CFHR1: variants seen among roughly 807,000 people sequenced by gnomAD.
CFHR1 encodes the protein complement factor H-related protein 1.
CFHR1 carries 22 observed loss-of-function variants against 30.4 expected under a neutral mutation model. The ratio of observed to expected loss-of-function variants is 0.72; its 90% CI spans 0.52 to 1.03. CFHR1 has a LOEUF of 1.03. Among genes scored for constraint, CFHR1 ranks in the 50% least tolerant of loss-of-function variants. The probability of loss-of-function intolerance (pLI) is 0.00; values close to 1 mark genes in which losing one functional copy is unlikely to be tolerated. For synonymous variants in CFHR1, 95 were observed against 129.1 expected, an observed-to-expected ratio of 0.74 and a Z score of 1.79; for missense variants, 248 against 380.6, an observed-to-expected ratio of 0.65 and a Z score of 2.90.
chr1:196,825,624 G>A lies in CFHR1; in HGVS notation c.206G>A (p.Arg69His), dbSNP rs537358906. The A allele has an allele frequency of 1.9e-5, 29 of 1,524,344 alleles. 6 individuals are homozygous for A. Among genetic ancestry groups the A allele is most frequent in the African/African-American group, 3.4e-5 (2 of 58,260 alleles). 94.4% of individuals were successfully genotyped at this position (1,524,344 alleles called of 1,614,324 possible). Residue 69 changes from arginine (R) to histidine (H), a missense_variant, in exon 2 of 6, where the codon CGC becomes CAC. This residue lies in a region of CFHR1 where 121 missense variants were observed against 162.6 expected (regional missense o/e 0.74). Coordinates refer to ENST00000320493, the MANE Select transcript of CFHR1 (RefSeq NM_002113.3). ...FVSPSKSFWT[R>H]ITCTEEGWSP... ...TCTCCTTCAAAATCATTTTGGACTC[G>A]CATAACATGCACAGAAGAAGGATGG...
intron 1 of CFHR1, 71 bp downstream of exon 1, chr1:196,819,973 T>TGG (rs1451055309): frequency 2.9e-6 from 1 of 347,608 alleles, no homozygotes; most frequent in African/African-American, 2.9e-5. Flanking sequence ...TGTGTATGCT[T>TGG]ACATATTTTT....
rs1655344328 is a variant in CFHR1 at position 196,826,859 on chromosome 1, G to T, written c.284G>T (p.Gly95Val). The T allele has an allele frequency of 6.6e-7, 1 of 1,524,418 alleles. No individual in the cohort carries two copies. The highest frequency in any genetic ancestry group is 8.9e-7 in the Non-Finnish European group (1 of 1,129,294). The allele number at this position is 1,524,418 out of a possible 1,614,324, so 94.4% of individuals were successfully genotyped here. ...RLCFFPFVEN[G>V]HSESSGQTHL... ...TGTTTCTTTCCTTTTGTGGAAAATG[G>T]TCATTCTGAATCTTCAGGACAAACA... The change falls in exon 3 of 6, where the codon GGT becomes GTT. Residue 95 changes from glycine (G) to valine (V), a missense_variant. By Grantham distance (109) the Gly-to-Val change is moderately radical. Transcript: ENST00000320493.
chr1:196,820,657 C>A (rs1446077765), intron 1 of CFHR1, among the ~76,000 whole-genome samples: 1 of 125,274 alleles, frequency 8.0e-6, no homozygotes, highest in African/African-American at 3.5e-5. Flanking sequence ...TTATGCTTTA[C>A]CCTTTGATTT....
chr1:196,824,712 G>A lies in CFHR1; in HGVS notation c.59-765G>A, dbSNP rs1283159078. Reference sequence around the variant, plus strand: ...TTCAAATATTTTTGATCTGCAGTTGGTTGAATCAGACGAAGTGAAACGAGT... The same window carrying A: ...TTCAAATATTTTTGATCTGCAGTTGATTGAATCAGACGAAGTGAAACGAGT... On this transcript the variant is annotated intron_variant, in intron 1 of 5. Coordinates refer to ENST00000320493, the MANE Select transcript of CFHR1 (RefSeq NM_002113.3). 4.4e-4 allele frequency among the ~76,000 whole-genome samples: 42 copies of A among 95,476 alleles called. 12 individuals are homozygous for A. In the South Asian group the frequency reaches 0.015, roughly 34 times the overall value. 62.6% of individuals were successfully genotyped at this position (95,476 alleles called of 152,430 possible). A position where few individuals can be genotyped will look rare whatever the true frequency, so the allele number is the denominator to read the frequency against.
At position 196,831,141 on chromosome 1, in the gene CFHR1, A is replaced by G. The variant is rs1482898410; in HGVS notation, c.790+459A>G. On this transcript the variant is annotated intron_variant, in intron 5 of 5. Coordinates refer to ENST00000320493, the MANE Select transcript of CFHR1 (RefSeq NM_002113.3). Reference sequence around the variant, plus strand: ...AGCGAGACTCCGTCTCAATAAAAACAACACAAAAAAGTAATTTTTCTCTTT... The same window carrying G: ...AGCGAGACTCCGTCTCAATAAAAACGACACAAAAAAGTAATTTTTCTCTTT... Among the ~76,000 whole-genome samples, 4 of 136,172 alleles carry G rather than the reference A, an allele frequency of 2.9e-5. 2 individuals are homozygous for G. The highest frequency in any genetic ancestry group is 1.2e-4 in the African/African-American group (4 of 32,082). The allele number at this position is 136,172 out of a possible 152,430, so 89.3% of individuals were successfully genotyped here.
Position 196,831,882 on chromosome 1 carries a change from A to C in CFHR1, c.876A>C (p.Thr292=). The change falls in exon 6 of 6, where the codon ACA becomes ACC. Residue 292 remains threonine, a synonymous_variant. Coordinates refer to ENST00000320493, the MANE Select transcript of CFHR1 (RefSeq NM_002113.3). ...WTAKQKLYLR[T]GESAEFVCKR... is the part of the protein sequence containing the mutation. ...CCAAACAGAAGCTTTATTTGAGAAC[A>C]GGTGAATCAGCTGAATTTGTGTGTA... is the stretch of plus-strand genomic sequence containing the variant. 2 of 1,525,578 alleles carry C rather than the reference A, an allele frequency of 1.3e-6. No individual in the cohort carries two copies. The highest frequency in any genetic ancestry group is 1.8e-6 in the Non-Finnish European group (2 of 1,129,486). 94.5% of individuals were successfully genotyped at this position (1,525,578 alleles called of 1,614,324 possible).
In CFHR1 at chr1:196,828,661, C is replaced by T. The variant is rs566455095; in HGVS notation, c.607+415C>T. 3.8e-5 allele frequency among the ~76,000 whole-genome samples: 5 copies of T among 132,952 alleles called. No homozygotes were observed. In the South Asian group the frequency reaches 1.3e-3, roughly 35 times the overall value. The allele number at this position is 132,952 out of a possible 152,430, so 87.2% of individuals were successfully genotyped here. A position where few individuals can be genotyped will look rare whatever the true frequency, so the allele number is the denominator to read the frequency against. Reference sequence around the variant, plus strand: ...ATGGATTATATTTAAAGGTGTGTGACTGACTGTATTTATAAAAAGAAGTCC... The same window carrying T: ...ATGGATTATATTTAAAGGTGTGTGATTGACTGTATTTATAAAAAGAAGTCC... On this transcript the variant is annotated intron_variant, in intron 4 of 5. Coordinates refer to ENST00000320493, the MANE Select transcript of CFHR1 (RefSeq NM_002113.3).
At position 196,828,119 on chromosome 1, in the gene CFHR1, G is replaced by A; in HGVS notation, c.480G>A (p.Ser160=). 1 of 1,251,252 alleles carries A rather than the reference G, an allele frequency of 8.0e-7. No individual in the cohort carries two copies. Among genetic ancestry groups the A allele is most frequent in the Non-Finnish European group, 1.1e-6 (1 of 930,652 alleles). The allele number at this position is 1,251,252 out of a possible 1,614,324, so 77.5% of individuals were successfully genotyped here. ...CAGTACAAAATGCTCATATACTGTC[G>A]AGACAGATGAGTAAATATCCATCTG... ...PPTVQNAHIL[S]RQMSKYPSGE... The change falls in exon 4 of 6, where the codon TCG becomes TCA. Residue 160 remains serine, a synonymous_variant. Transcript: ENST00000320493.
chr1:196,825,679 A>G lies in CFHR1; in HGVS notation c.253+8A>G. The G allele has an allele frequency of 6.6e-7, 1 of 1,514,908 alleles. No homozygotes were observed. The highest frequency in any genetic ancestry group is 8.9e-7 in the Non-Finnish European group (1 of 1,120,450). The allele number at this position is 1,514,908 out of a possible 1,614,324, so 93.8% of individuals were successfully genotyped here. ...CAACACCAAAGTGTCTCAGTGAGTA[A>G]ATGCTCTGTTCATTAAATGGATGTC... is the stretch of plus-strand genomic sequence containing the variant. On this transcript the variant is annotated splice_region_variant and intron_variant, in intron 2 of 5. Transcript: ENST00000320493.
At chr1:196,826,409 G>A (rs1573148878) in intron 2 of CFHR1, among the ~76,000 whole-genome samples, 2 of 134,618 alleles carry the variant, frequency 1.5e-5, no homozygotes, top group East Asian at 3.9e-4. Context: ...ATATATAGTA[G>A]CATGAGTTAA....
intron 4 of CFHR1, among the ~76,000 whole-genome samples, chr1:196,829,393 T>G (rs1339624351): frequency 1.5e-5 from 2 of 135,450 alleles, no homozygotes; most frequent in Admixed American, 7.1e-5. Flanking sequence ...TGACTCCTCT[T>G]TTTATCCATT....
chr1:196,831,252 G>A (rs1342188577), intron 5 of CFHR1, among the ~76,000 whole-genome samples: 1 of 135,754 alleles, frequency 7.4e-6, no homozygotes, highest in Non-Finnish European at 1.6e-5. Flanking sequence ...ATATATTTAT[G>A]CTACAATGAT....
intron 4 of CFHR1, among the ~76,000 whole-genome samples, chr1:196,830,104 T>C (rs1395948449): frequency 7.4e-6 from 1 of 135,620 alleles, no homozygotes; most frequent in Non-Finnish European, 1.6e-5. Flanking sequence ...TTCCATTTTA[T>C]AATTCCTACG....
At position 196,825,676 on chromosome 1, in the gene CFHR1, G is replaced by A; in HGVS notation, c.253+5G>A. The A allele has an allele frequency of 6.6e-7, 1 of 1,516,476 alleles. No homozygotes were observed. Among genetic ancestry groups the A allele is most frequent in the Non-Finnish European group, 8.9e-7 (1 of 1,121,852 alleles). The allele number at this position is 1,516,476 out of a possible 1,614,324, so 93.9% of individuals were successfully genotyped here. ...CACCAACACCAAAGTGTCTCAGTGA[G>A]TAAATGCTCTGTTCATTAAATGGAT... is the stretch of plus-strand genomic sequence containing the variant. On this transcript the variant is annotated splice_donor_5th_base_variant and intron_variant, in intron 2 of 5. Coordinates refer to ENST00000320493, the MANE Select transcript of CFHR1 (RefSeq NM_002113.3).
At chr1:196,823,033 T>G (rs540007095) in intron 1 of CFHR1, among the ~76,000 whole-genome samples, 1 of 132,842 alleles carries the variant, frequency 7.5e-6, no homozygotes, top group Admixed American at 7.3e-5. Flanking sequence ...GTCATATAAG[T>G]GATCAGTCAT....
chr1:196,827,833 A>C (rs1251619707), intron 3 of CFHR1, among the ~76,000 whole-genome samples: 9 of 132,836 alleles, frequency 6.8e-5, no homozygotes, highest in Non-Finnish European at 1.3e-4. Flanking sequence ...ATAAAGGTCT[A>C]TCAGTGTTCT....
rs1655338405 is a variant in CFHR1, at chr1:196,826,745, C to T, written c.254-84C>T. On this transcript the variant is annotated intron_variant, in intron 2 of 5. Transcript: ENST00000320493. ...GATTACCAGAGTGAGCCACTTCACC[C>T]GGTTTATTAAAATATTTTAAAATGC... 1.7e-5 allele frequency: 21 copies of T among 1,269,768 alleles called. 6 individuals are homozygous for T. Among genetic ancestry groups the T allele is most frequent in the Non-Finnish European group, 2.1e-5 (19 of 915,446 alleles). 78.7% of individuals were successfully genotyped at this position (1,269,768 alleles called of 1,614,324 possible).
chr1:196,830,209 T>C lies in CFHR1; in HGVS notation c.608-291T>C, dbSNP rs1655490500. Reference sequence around the variant, plus strand: ...ATGAAATAAGAAACTTTCTTTGTCATAGTTTTCTATGTTTAGCATGTATTC... The same window carrying C: ...ATGAAATAAGAAACTTTCTTTGTCACAGTTTTCTATGTTTAGCATGTATTC... On this transcript the variant is annotated intron_variant, in intron 4 of 5. Coordinates refer to ENST00000320493, the MANE Select transcript of CFHR1 (RefSeq NM_002113.3). Among the ~76,000 whole-genome samples, 2 of 135,844 alleles carry C rather than the reference T, an allele frequency of 1.5e-5. 1 individual carries two copies. 89.1% of individuals were successfully genotyped at this position (135,844 alleles called of 152,430 possible). A position where few individuals can be genotyped will look rare whatever the true frequency, so the allele number is the denominator to read the frequency against.
At position 196,824,877 on chromosome 1, in the gene CFHR1, C is replaced by A. The variant is rs1467861225; in HGVS notation, c.59-600C>A. On this transcript the variant is annotated intron_variant, in intron 1 of 5. Transcript: ENST00000320493. The stretch of plus-strand genomic sequence containing the variant: ...AACATTAACCAGAATTTAGCTCTAA[C>A]TTTATCTTGATTGAGTTGTTCTTAG... Among the ~76,000 whole-genome samples, 2 of 123,150 alleles carry A rather than the reference C, an allele frequency of 1.6e-5. 1 individual carries two copies. The highest frequency in any genetic ancestry group is 5.9e-4 in the South Asian group (2 of 3,404). The allele number at this position is 123,150 out of a possible 152,430, so 80.8% of individuals were successfully genotyped here.
Sources: gnomAD v4.1 joint callset for allele counts (sites outside exome capture counted in the v4.1 genomes callset) on GRCh38, gnomAD v4.1.1 for gene constraint, gnomAD v4.1.1 regional missense constraint, MANE v1.5 for transcripts, NCBI Gene and HGNC (gene_info 2026-07-23, HGNC 2026-07-21) for gene names.